The following APOL2 variants were observed in gnomAD, a reference collection of about 807,000 sequenced individuals.
APOL2 encodes the protein apolipoprotein L2.
In APOL2, 8 loss-of-function variants were observed where a neutral mutation model predicts 7.1. That is an observed-to-expected ratio of 1.12 (90% confidence interval 0.66 to 2.03). The LOEUF (loss-of-function observed/expected upper bound fraction) is 2.03, where lower values mean the gene tolerates loss of function less well. Among genes scored for constraint, APOL2 ranks in the 30% most tolerant of loss-of-function variants. The pLI, the probability that APOL2 is intolerant of heterozygous loss-of-function variation, is 0.00. For synonymous variants in APOL2, 177 were observed against 159.9 expected (o/e 1.11, Z -0.81); for missense variants, 471 against 415.1 (o/e 1.13, Z -1.17).
rs5995265 is a variant in APOL2 at position 36,233,077 on chromosome 22, T to C, written c.10+76A>G. On this transcript the variant is annotated intron_variant, in intron 3 of 4. Transcript: ENST00000358502. ...TAGTCCATCTGGGTTCTTCTGGGGC[T>C]CACTCAGCTGTGGAGGTGCCACCCT... The C allele has an allele frequency of 4.7e-3, 6,800 of 1,442,582 alleles. 281 individuals are homozygous for C. The African/African-American group carries it at 0.085, about 18-fold the overall frequency. The allele number at this position is 1,442,582 out of a possible 1,614,324, so 89.4% of individuals were successfully genotyped here. A position where few individuals can be genotyped will look rare whatever the true frequency, so the allele number is the denominator to read the frequency against.
At chr22:36,233,107 T>C in intron 3 of APOL2, 46 bp downstream of exon 3, 2 of 1,591,252 alleles carry the variant, frequency 1.3e-6, no homozygotes, top group Non-Finnish European at 1.7e-6. Context: ...CACCCTCCAT[T>C]CTAGGTGCGA....
At chr22:36,233,034 G>A in intron 3 of APOL2, 119 bp downstream of exon 3, 3 of 1,042,360 alleles carry the variant, frequency 2.9e-6, no homozygotes, top group African/African-American at 1.6e-5. Flanking sequence ...GCTGCTCGGG[G>A]CAGACTCATT....
chr22:36,228,478 T>C (rs1569532455), intron 4 of APOL2, among the ~76,000 whole-genome samples, 198 bp from the exon 5 acceptor site: 3 of 152,218 alleles, frequency 2.0e-5, no homozygotes, highest in Admixed American at 1.3e-4. Flanking sequence ...ACTTATTCCA[T>C]ATGGAAATAA....
intron 1 of APOL2, chr22:36,234,404 A>T (rs1021079380): frequency 6.6e-6 from 1 of 152,266 alleles, no homozygotes; most frequent in Non-Finnish European, 1.5e-5. Flanking sequence ...TATGCAGCCC[A>T]GGCTGCTGGC....
intron 4 of APOL2, among the ~76,000 whole-genome samples, chr22:36,231,086 G>A (rs1392001871): frequency 6.6e-6 from 1 of 152,248 alleles, no homozygotes; most frequent in African/African-American, 2.4e-5. Context: ...GAAAGTAACT[G>A]GCAAAGTTCC....
rs769821761 is a variant in APOL2 at position 36,239,483 on chromosome 22, T to G, written c.-176A>C. On this transcript the variant is annotated 5_prime_UTR_variant, in exon 1 of 5. Transcript: ENST00000358502. ...ACAGAGACTGAGCAAGATCCAACTG[T>G]TCTGAGCTGTGTGGATCCCACGTCC... The G allele has an allele frequency of 7.6e-6, 12 of 1,583,062 alleles. No individual in the cohort carries two copies. The highest frequency in any genetic ancestry group is 2.7e-5 in the African/African-American group (2 of 74,552).
intron 1 of APOL2, chr22:36,236,918 C>T (rs1273751355): frequency 2.2e-5 from 29 of 1,306,710 alleles, no homozygotes; most frequent in Non-Finnish European, 9.7e-7. Context: ...GGGGGTCTTC[C>T]CTTCCCCTTC....
chr22:36,233,242 C>T lies in APOL2; in HGVS notation c.-79-1G>A. 2 of 1,614,024 alleles carry T rather than the reference C, an allele frequency of 1.2e-6. No homozygotes were observed. The highest frequency in any genetic ancestry group is 8.5e-7 in the Non-Finnish European group (1 of 1,179,972). Reference sequence around the variant, plus strand: ...CCAGACTGGAAGGTTTTCCTTAACCCTTGAGAACGAGAAAACAAATTGTGG... The same window carrying T: ...CCAGACTGGAAGGTTTTCCTTAACCTTTGAGAACGAGAAAACAAATTGTGG... On this transcript the variant is annotated splice_acceptor_variant, in intron 2 of 4. Transcript: ENST00000358502. LOFTEE classifies it low-confidence loss of function (5UTR_SPLICE).
rs796683954 is a variant in APOL2 at position 36,227,396 on chromosome 22, C to T, written c.*8G>A. 1 of 1,601,166 alleles carries T rather than the reference C, an allele frequency of 6.2e-7. No homozygotes were observed. Among genetic ancestry groups the T allele is most frequent in the Non-Finnish European group, 8.5e-7 (1 of 1,173,544 alleles). ...CATTTCTGCCCTGGTGGCTGCACTG[C>T]TCTGGGGTCATTGGTCTTGGCCTGG... is the stretch of plus-strand genomic sequence containing the variant. On this transcript the variant is annotated 3_prime_UTR_variant, in exon 5 of 5. Coordinates refer to ENST00000358502, the MANE Select transcript of APOL2 (RefSeq NM_030882.4).
intron 1 of APOL2, chr22:36,237,167 T>G (rs2015435298): frequency 6.6e-7 from 1 of 1,509,882 alleles, no homozygotes; most frequent in South Asian, 1.3e-5. Flanking sequence ...TGAGGCTGGA[T>G]ACTGCCCCTC....
chr22:36,239,409 C>G (rs189857705), intron 1 of APOL2, 32 bp downstream of exon 1: 113 of 1,518,916 alleles, frequency 7.4e-5, no homozygotes, highest in African/African-American at 9.6e-5. Flanking sequence ...AGAATAAGGA[C>G]ATGGGGGTAG....
At chr22:36,237,370 C>T in intron 1 of APOL2, 1 of 1,291,782 alleles carries the variant, frequency 7.7e-7, no homozygotes, top group East Asian at 3.0e-5. Flanking sequence ...CCTCCTTGGG[C>T]AGGGAAAGAG....
chr22:36,227,483 T>C lies in APOL2; in HGVS notation c.935A>G (p.Lys312Arg). The change falls in exon 5 of 5, where the codon AAG (lysine) becomes AGG (arginine). Residue 312 changes from lysine (K) to arginine (R), a missense_variant. Physicochemically the swap from Lys to Arg is conservative, Grantham distance 26. Transcript: ENST00000358502. Reference protein sequence around the residue: ...AKSESAEELKKRAQELEGKLN... With the variant: ...AKSESAEELKRRAQELEGKLN... ...CTTCCCCTCCAGCTCCTGAGCCCGC[T>C]TCTTCAGCTCCTCAGCTGACTCTGA... The C allele has an allele frequency of 2.5e-6, 4 of 1,614,206 alleles. No homozygotes were observed. The highest frequency in any genetic ancestry group is 3.4e-6 in the Non-Finnish European group (4 of 1,180,034).
intron 1 of APOL2, chr22:36,237,125 TC>T (rs1413527463): frequency 6.5e-7 from 1 of 1,531,880 alleles, no homozygotes; most frequent in Non-Finnish European, 8.8e-7. Context: ...TTGGCCTGGC[TC>T]CCACCTTTGT....
Position 36,227,209 on chromosome 22 carries a change from G to C in APOL2, c.*195C>G, listed in dbSNP as rs191370674. ...CAGGTGCCTGTAGTCCCAGCTACTC[G>C]GGAGACTGAGGCCGGAGAATGGTGT... On this transcript the variant is annotated 3_prime_UTR_variant, in exon 5 of 5. Coordinates refer to ENST00000358502, the MANE Select transcript of APOL2 (RefSeq NM_030882.4). 5.0e-6 allele frequency: 3 copies of C among 596,822 alleles called. No individual in the cohort carries two copies. In the African/African-American group the frequency reaches 5.7e-5, roughly 11 times the overall value. 37.0% of individuals were successfully genotyped at this position (596,822 alleles called of 1,614,324 possible).
In APOL2 at chr22:36,233,409, C is replaced by T; in HGVS notation, c.-87G>A. 2 of 1,552,108 alleles carry T rather than the reference C, an allele frequency of 1.3e-6. No individual in the cohort carries two copies. Among genetic ancestry groups the T allele is most frequent in the Admixed American group, 2.0e-5 (1 of 51,220 alleles). On this transcript the variant is annotated 5_prime_UTR_variant, in exon 2 of 5. An upstream open reading frame in the 5' UTR gains an earlier in-frame stop. Transcript: ENST00000358502. ...GTATTTACAGAAACTCACCTCGTTC[C>T]AGCTTCCTCTTCCCTCACTCTCACA...
rs182272836 is a variant in APOL2 at position 36,229,989 on chromosome 22, C to T, written c.137+1351G>A. Among the ~76,000 whole-genome samples the T allele has an allele frequency of 1.0e-3, 152 of 152,332 alleles. No individual in the cohort carries two copies. The Middle Eastern group carries it at 0.014, about 14-fold the overall frequency. ...CACCCCCAACCTTCCAGGTCTCACT[C>T]GCAGGTGTCACCAGCCTAACTGATG... On this transcript the variant is annotated intron_variant, in intron 4 of 4. Transcript: ENST00000358502.
chr22:36,230,754 A>G (rs1435635740), intron 4 of APOL2, among the ~76,000 whole-genome samples: 1 of 150,268 alleles, frequency 6.7e-6, no homozygotes, highest in Non-Finnish European at 1.5e-5. Context: ...CCCAGGAACT[A>G]GGCCTCTCAG....
At position 36,237,155 on chromosome 22, in the gene APOL2, G is replaced by A. The variant is rs752464149; in HGVS notation, c.-134+2286C>T. The A allele has an allele frequency of 1.3e-5, 19 of 1,519,794 alleles. No homozygotes were observed. In the South Asian group the frequency reaches 1.4e-4, roughly 11 times the overall value. The allele number at this position is 1,519,794 out of a possible 1,614,324, so 94.1% of individuals were successfully genotyped here. On this transcript the variant is annotated intron_variant, in intron 1 of 4. Transcript: ENST00000358502. ...CCTTTGTCTGGAGCCTCTGCTGGGG[G>A]TTGAGGCTGGATACTGCCCCTCAGG...
Sources: gnomAD v4.1 joint callset for allele counts (sites outside exome capture counted in the v4.1 genomes callset) on GRCh38, gnomAD v4.1.1 for gene constraint, MANE v1.5 for transcripts, NCBI Gene and HGNC (gene_info 2026-07-23, HGNC 2026-07-21) for gene names.